The following TMEM217 variants were observed in gnomAD, a reference collection of about 807,000 sequenced individuals.
The protein encoded by TMEM217 is transmembrane protein 217.
For missense variants in TMEM217, 204 were observed against 248.8 expected (o/e 0.82, Z 1.21); for synonymous variants, 76 against 88.3 (o/e 0.86, Z 0.78).
chr6:37,222,142 G>A (rs1228108432), intron 1 of TMEM217, among the ~76,000 whole-genome samples: 4 of 152,250 alleles, frequency 2.6e-5, no homozygotes. Flanking sequence ...AAGGGAGGAA[G>A]TGCACGCAGA....
Position 37,252,637 on chromosome 6 carries a change from A to ATTTT in TMEM217, c.-12+4927_-12+4930dup, listed in dbSNP as rs374265453. Reference sequence around the variant, plus strand: ...TGTGTGTATATATATATATATATATATTTTTTTTTTTTTTTTTTTTTTGAC... The same window carrying ATTTT: ...TGTGTGTATATATATATATATATATATTTTTTTTTTTTTTTTTTTTTTTTTTGAC... On this transcript the variant is annotated intron_variant, in intron 1 of 1. Transcript: ENST00000357219. Among the ~76,000 whole-genome samples the ATTTT allele has an allele frequency of 6.6e-4, 47 of 71,364 alleles. 1 individual carries two copies. Among genetic ancestry groups the ATTTT allele is most frequent in the Middle Eastern group, 7.4e-3 (1 of 136 alleles). 46.8% of individuals were successfully genotyped at this position (71,364 alleles called of 152,430 possible). A position where few individuals can be genotyped will look rare whatever the true frequency, so the allele number is the denominator to read the frequency against.
At chr6:37,253,047 C>T (rs757999187) in intron 1 of TMEM217, among the ~76,000 whole-genome samples, 30 of 152,238 alleles carry the variant, frequency 2.0e-4, no homozygotes, top group Non-Finnish European at 2.5e-4. Context: ...AATTTTTCCA[C>T]GTTTTCTTCC....
At chr6:37,247,117 A>G (rs1415078338) in intron 1 of TMEM217, among the ~76,000 whole-genome samples, 1 of 152,192 alleles carries the variant, frequency 6.6e-6, no homozygotes, top group African/African-American at 2.4e-5. Context: ...CTAGAGGAAA[A>G]GGTAACATAA....
At chr6:37,246,760 C>A (rs1440859652) in intron 1 of TMEM217, among the ~76,000 whole-genome samples, 3 of 151,954 alleles carry the variant, frequency 2.0e-5, no homozygotes, top group Non-Finnish European at 2.9e-5. Flanking sequence ...TAAAAATTAG[C>A]TGATGTGGTG....
chr6:37,247,102 A>G lies in TMEM217; in HGVS notation c.-12+10466T>C, dbSNP rs532697722. On this transcript the variant is annotated intron_variant, in intron 1 of 1. Coordinates refer to ENST00000357219, the Ensembl canonical transcript of TMEM217. ...AGCTTAAACTGGCAATGAATGTCCC[A>G]TTGCCTAGAGGAAAAGGTAACATAA... Among the ~76,000 whole-genome samples the G allele has an allele frequency of 2.6e-5, 4 of 152,304 alleles. No individual in the cohort carries two copies. In the East Asian group the frequency reaches 7.7e-4, roughly 29 times the overall value.
intron 1 of TMEM217, among the ~76,000 whole-genome samples, chr6:37,254,848 T>A (rs559512940): frequency 2.0e-5 from 3 of 152,192 alleles, no homozygotes; most frequent in African/African-American, 7.2e-5. Flanking sequence ...GGAAGACAAC[T>A]TTTCCATGAA....
chr6:37,221,669 G>C (rs1436991994), intron 1 of TMEM217, among the ~76,000 whole-genome samples: 1 of 152,186 alleles, frequency 6.6e-6, no homozygotes, highest in Non-Finnish European at 1.5e-5. Flanking sequence ...AGTGTTACAG[G>C]ATCTCTGGGG....
chr6:37,224,422 C>A (rs1763698522), intron 1 of TMEM217, among the ~76,000 whole-genome samples: 1 of 150,494 alleles, frequency 6.6e-6, no homozygotes, highest in Non-Finnish European at 1.5e-5. Flanking sequence ...CATGATGAAA[C>A]CCTGTCTCTA....
chr6:37,232,690 AAAGAGG>A (rs970700924), intron 1 of TMEM217, among the ~76,000 whole-genome samples: 1 of 152,184 alleles, frequency 6.6e-6, no homozygotes, highest in Non-Finnish European at 1.5e-5. Flanking sequence ...CCTTTGTTAC[AAAGAGG>A]AAGTATCTTT....
At chr6:37,257,967 C>G (rs1193902264) in exon 1 of TMEM217, 3 of 1,614,032 alleles carry the variant, frequency 1.9e-6, no homozygotes, top group East Asian at 2.2e-5. Context: ...GCTAAGCTGC[C>G]GGGGAGGTGA....
intron 1 of TMEM217, among the ~76,000 whole-genome samples, chr6:37,229,673 G>A (rs1257656102): frequency 6.6e-6 from 1 of 152,144 alleles, no homozygotes; most frequent in African/African-American, 2.4e-5. Flanking sequence ...TAGTAACTTC[G>A]TTAGATTCAT....
At chr6:37,232,941 A>G (rs1207435137) in intron 1 of TMEM217, among the ~76,000 whole-genome samples, 4 of 152,138 alleles carry the variant, frequency 2.6e-5, no homozygotes, top group Admixed American at 1.3e-4. Context: ...GCACAAACCA[A>G]GACTGTTCTC....
At chr6:37,216,671 G>A (rs1447841703), downstream of TMEM217, among the ~76,000 whole-genome samples, 1 of 152,176 alleles carries the variant, frequency 6.6e-6, no homozygotes, top group Non-Finnish European at 1.5e-5. Flanking sequence ...GCCAAATGGT[G>A]AGTGCTGTGG....
At chr6:37,223,988 A>G (rs1183366743) in intron 1 of TMEM217, among the ~76,000 whole-genome samples, 1 of 148,016 alleles carries the variant, frequency 6.8e-6, no homozygotes, top group Non-Finnish European at 1.5e-5. Flanking sequence ...CCAGGCTGGA[A>G]TGCAGTGGCA....
At chr6:37,254,123 A>G (rs1039606845) in intron 1 of TMEM217, among the ~76,000 whole-genome samples, 9 of 152,226 alleles carry the variant, frequency 5.9e-5, no homozygotes, top group Admixed American at 3.9e-4. Context: ...AGGTCCATGG[A>G]TCAGCAGCAT....
At chr6:37,240,734 A>C in intron 1 of TMEM217, among the ~76,000 whole-genome samples, 1 of 152,246 alleles carries the variant, frequency 6.6e-6, no homozygotes, top group South Asian at 2.1e-4. Context: ...AAACATGATT[A>C]ATTTAAAACA....
exon 4 of TMEM217, chr6:37,212,341 G>A: frequency 2.8e-6 from 1 of 358,420 alleles, no homozygotes; most frequent in Non-Finnish European, 5.5e-6. Flanking sequence ...ATCAACAGAA[G>A]ACAGGCAGGG....
chr6:37,247,525 C>T (rs1765158605), intron 1 of TMEM217, among the ~76,000 whole-genome samples: 1 of 151,886 alleles, frequency 6.6e-6, no homozygotes, highest in South Asian at 2.1e-4. Flanking sequence ...GTAGCTGGGA[C>T]TACAGGTGCG....
chr6:37,213,138 T>C (rs1762999637), downstream of TMEM217: 2 of 641,672 alleles, frequency 3.1e-6, no homozygotes, highest in African/African-American at 3.7e-5. Context: ...TTAAGGGACA[T>C]GGGGTCTGGC....
Sources: allele counts gnomAD v4.1 joint callset (sites outside exome capture counted in the v4.1 genomes callset), GRCh38; gene constraint gnomAD v4.1.1; transcripts MANE v1.5; gene names NCBI Gene and HGNC (gene_info 2026-07-23, HGNC 2026-07-21).